Variants in DHCR24 observed in about 807,000 individuals in gnomAD.
DHCR24 encodes delta(24)-sterol reductase.
A neutral mutation model predicts 61.2 loss-of-function variants in DHCR24; 28 were observed. The ratio of observed to expected loss-of-function variants is 0.46; its 90% CI spans 0.34 to 0.63. The LOEUF (loss-of-function observed/expected upper bound fraction) is 0.63, where lower values mean the gene tolerates loss of function less well. Ranked by LOEUF, DHCR24 falls within the 20% of genes least tolerant of loss-of-function variation. DHCR24 has a pLI of 0.01. For missense variants in DHCR24, 538 were observed against 679.1 expected (o/e 0.79, Z 2.31); for synonymous variants, 261 against 275.9 (o/e 0.95, Z 0.54).
chr1:54,855,814 C>G (rs1483203511), intron 6 of DHCR24, among the ~76,000 whole-genome samples: 4 of 151,986 alleles, frequency 2.6e-5, no homozygotes, highest in Admixed American at 2.0e-4. Flanking sequence ...CCTTGGTTAC[C>G]TTTGGAAGAC....
chr1:54,881,875 A>G (rs1647065442), intron 2 of DHCR24, among the ~76,000 whole-genome samples: 1 of 152,218 alleles, frequency 6.6e-6, no homozygotes, highest in African/African-American at 2.4e-5. Context: ...ATGCAGGAAC[A>G]GGAAACCAAA....
intron 2 of DHCR24, among the ~76,000 whole-genome samples, chr1:54,879,233 C>T (rs1647051437): frequency 1.4e-5 from 2 of 148,098 alleles, no homozygotes; most frequent in Non-Finnish European, 3.0e-5. Context: ...ACAGGAGAAT[C>T]GCTGGAACCC....
intron 2 of DHCR24, among the ~76,000 whole-genome samples, chr1:54,878,232 A>G (rs1263510557): frequency 6.6e-6 from 1 of 151,968 alleles, no homozygotes; most frequent in Non-Finnish European, 1.5e-5. Flanking sequence ...TAGGCTAGGC[A>G]TGGTGGCTCA....
chr1:54,871,063 A>G (rs1646995745), intron 5 of DHCR24, among the ~76,000 whole-genome samples: 1 of 152,166 alleles, frequency 6.6e-6, no homozygotes. Context: ...CCTCTTGAAG[A>G]CTCAGTTTCC....
At chr1:54,868,516 A>G (rs192133815) in intron 5 of DHCR24, among the ~76,000 whole-genome samples, 9 of 152,240 alleles carry the variant, frequency 5.9e-5, no homozygotes, top group Admixed American at 5.9e-4. Context: ...AAAGATGTTC[A>G]TTGCTCCATT....
At position 54,883,036 on chromosome 1, in the gene DHCR24, C is replaced by CA. The variant is rs1247999344; in HGVS notation, c.387+581dup. Among the ~76,000 whole-genome samples the CA allele has an allele frequency of 1.3e-5, 2 of 152,050 alleles. No homozygotes were observed. The highest frequency in any genetic ancestry group is 2.9e-5 in the Non-Finnish European group (2 of 68,010). On this transcript the variant is annotated intron_variant, in intron 2 of 8. Coordinates refer to ENST00000371269, the MANE Select transcript of DHCR24 (RefSeq NM_014762.4). The surrounding 1 kb of genome is among the most constrained non-coding windows in gnomAD (Gnocchi z 4.3). ...CTTGGCCAAGGTCTCACAATAATAACAAAATGCCATCAAGTAGACATACCA... is the reference window on the plus strand; with the variant it reads ...CTTGGCCAAGGTCTCACAATAATAACAAAAATGCCATCAAGTAGACATACCA...
intron 6 of DHCR24, among the ~76,000 whole-genome samples, chr1:54,856,939 T>C (rs1032274142): frequency 6.6e-6 from 1 of 152,194 alleles, no homozygotes; most frequent in South Asian, 2.1e-4. Flanking sequence ...TTCATTCTGA[T>C]AGGTGAAAAA....
intron 5 of DHCR24, among the ~76,000 whole-genome samples, chr1:54,870,236 A>C (rs1412688528): frequency 6.6e-6 from 1 of 152,040 alleles, no homozygotes; most frequent in Non-Finnish European, 1.5e-5. Context: ...AAACAATAAG[A>C]AAATAAATAA....
At chr1:54,886,090 A>C (rs1043037536) in intron 1 of DHCR24, among the ~76,000 whole-genome samples, 1 of 152,180 alleles carries the variant, frequency 6.6e-6, no homozygotes, top group Non-Finnish European at 1.5e-5. Flanking sequence ...CAGGAAACAG[A>C]AGCTCTCTGC....
chr1:54,854,802 CACCCGCCTGGCT>C (rs1277607278), intron 6 of DHCR24, among the ~76,000 whole-genome samples: 2 of 152,160 alleles, frequency 1.3e-5, no homozygotes, highest in Non-Finnish European at 2.9e-5. Flanking sequence ...ACAGCCTGAC[CACCCGCCTGGCT>C]CCCCCAATTC....
At chr1:54,853,747 T>C (rs1027837221) in intron 7 of DHCR24, 135 bp from the exon 8 acceptor site, 10 of 1,050,054 alleles carry the variant, frequency 9.5e-6, no homozygotes, top group Middle Eastern at 2.9e-4. Flanking sequence ...TCAGCTTCAC[T>C]GCCCCGCCCC....
chr1:54,858,826 G>A (rs1646921371), intron 6 of DHCR24, among the ~76,000 whole-genome samples: 1 of 152,048 alleles, frequency 6.6e-6, no homozygotes, highest in Non-Finnish European at 1.5e-5. Flanking sequence ...AGTAGAGATG[G>A]GGTTTCTCCA....
At chr1:54,865,521 G>T in intron 5 of DHCR24, 75 bp from the exon 6 acceptor site, 1 of 1,585,736 alleles carries the variant, frequency 6.3e-7, no homozygotes, top group South Asian at 1.1e-5. Context: ...AGCGACACCC[G>T]GCTTCTGTTC....
intron 1 of DHCR24, among the ~76,000 whole-genome samples, chr1:54,885,683 T>G (rs1240290243): frequency 6.6e-6 from 1 of 152,154 alleles, no homozygotes; most frequent in African/African-American, 2.4e-5. Context: ...CAGTGAATCT[T>G]GTGGCTTAGC....
At chr1:54,878,164 G>C (rs1177863621) in intron 2 of DHCR24, among the ~76,000 whole-genome samples, 1 of 148,420 alleles carries the variant, frequency 6.7e-6, no homozygotes, top group East Asian at 2.0e-4. Flanking sequence ...AAATACACAT[G>C]AGGCTATTAC....
chr1:54,886,823 G>T, intron 1 of DHCR24, 66 bp downstream of exon 1: 1 of 1,430,010 alleles, frequency 7.0e-7, no homozygotes. Context: ...TCGCCACCTC[G>T]CGTCCCGCTA....
At chr1:54,884,840 A>G (rs181376852) in intron 1 of DHCR24, among the ~76,000 whole-genome samples, 1 of 152,252 alleles carries the variant, frequency 6.6e-6, no homozygotes, top group African/African-American at 2.4e-5. Context: ...AGCCGGTTGG[A>G]TATGAGCCAG....
Position 54,859,295 on chromosome 1 carries a change from A to AG in DHCR24, c.1021-5062dup, listed in dbSNP as rs370025732. 3.3e-5 allele frequency among the ~76,000 whole-genome samples: 5 copies of AG among 151,364 alleles called. No homozygotes were observed. The East Asian group carries it at 9.8e-4, about 30-fold the overall frequency. On this transcript the variant is annotated intron_variant, in intron 6 of 8. Coordinates refer to ENST00000371269, the MANE Select transcript of DHCR24 (RefSeq NM_014762.4). ...CTACTGCCATAGCCCACAGCATGAG[A>AG]GTCCCTGAGCCAGGACCACCCAGAT...
At chr1:54,853,915 C>A (rs1234006260) in intron 7 of DHCR24, 122 bp downstream of exon 7, 1 of 1,040,966 alleles carries the variant, frequency 9.6e-7, no homozygotes, top group South Asian at 1.4e-5. Context: ...AGGACCTCAT[C>A]TTAAAGTTGG....
Sources: gnomAD v4.1 joint callset for allele counts (sites outside exome capture counted in the v4.1 genomes callset) on GRCh38, gnomAD v4.1.1 for gene constraint, Gnocchi (gnomAD v3.1) non-coding constraint, MANE v1.5 for transcripts, NCBI Gene and HGNC (gene_info 2026-07-23, HGNC 2026-07-21) for gene names.